DPP6: variants seen among roughly 807,000 people sequenced by gnomAD.
DPP6 encodes A-type potassium channel modulatory protein DPP6.
A neutral mutation model predicts 122.6 loss-of-function variants in DPP6; 69 were observed. The ratio of observed to expected loss-of-function variants is 0.56; its 90% CI spans 0.46 to 0.69. The LOEUF is 0.69. DPP6 is among the 30% of genes least tolerant of loss of function. DPP6 has a pLI of 0.00. For missense variants in DPP6, 928 were observed against 1,116.9 expected (o/e 0.83, Z 2.41); for synonymous variants, 418 against 433.1 (o/e 0.97, Z 0.43).
At chr7:154,281,007 A>ATTTG (rs1349656592) in intron 1 of DPP6, among the ~76,000 whole-genome samples, 1 of 149,534 alleles carries the variant, frequency 6.7e-6, no homozygotes, top group East Asian at 2.0e-4. Context: ...TTATTTATTT[A>ATTTG]TTTATTTATT....
chr7:154,697,755 T>C (rs1315289277), intron 7 of DPP6, among the ~76,000 whole-genome samples: 1 of 152,168 alleles, frequency 6.6e-6, no homozygotes, highest in Non-Finnish European at 1.5e-5. Context: ...TGCCACTTCT[T>C]CTGCAAGGTT....
intron 1 of DPP6, among the ~76,000 whole-genome samples, chr7:154,231,629 C>T (rs1033920976): frequency 6.6e-6 from 1 of 152,190 alleles, no homozygotes; most frequent in African/African-American, 2.4e-5. Context: ...CAGAAGCCAG[C>T]AAAATGCAAA....
chr7:154,480,094 A>G (rs1363991586), intron 3 of DPP6, among the ~76,000 whole-genome samples: 1 of 150,840 alleles, frequency 6.6e-6, no homozygotes, highest in African/African-American at 2.4e-5. Flanking sequence ...CACTCGCTTC[A>G]CTTACCTGAG....
chr7:153,950,274 G>A (rs975541600), intron 1 of DPP6, among the ~76,000 whole-genome samples: 6 of 152,102 alleles, frequency 3.9e-5, no homozygotes, highest in African/African-American at 1.4e-4. Context: ...TAGGAAGGGA[G>A]TCCAGGCAGA....
chr7:154,882,185 G>A (rs922163317), intron 21 of DPP6, among the ~76,000 whole-genome samples: 11 of 152,248 alleles, frequency 7.2e-5, no homozygotes, highest in Middle Eastern at 6.8e-3. Flanking sequence ...TTCTCAACAG[G>A]CAGTTGGTCC....
chr7:154,016,226 G>A (rs1007304162), intron 1 of DPP6, among the ~76,000 whole-genome samples: 2 of 151,978 alleles, frequency 1.3e-5, no homozygotes, highest in African/African-American at 2.4e-5. Context: ...TTCTCAACAC[G>A]TATCACTATC....
the DPP6 span, among the ~76,000 whole-genome samples, chr7:153,855,350 A>G: frequency 1.3e-5 from 2 of 152,126 alleles, no homozygotes; most frequent in African/African-American, 2.4e-5. Flanking sequence ...TCCACTCATT[A>G]ACTTATACAA....
At chr7:154,687,690 T>C (rs1202642754) in intron 7 of DPP6, among the ~76,000 whole-genome samples, 1 of 152,232 alleles carries the variant, frequency 6.6e-6, no homozygotes, top group Non-Finnish European at 1.5e-5. Flanking sequence ...GGAAGATACA[T>C]TGATTTCAAT....
At chr7:153,882,959 T>C (rs886272448), upstream of DPP6, among the ~76,000 whole-genome samples, 32 of 152,168 alleles carry the variant, frequency 2.1e-4, no homozygotes, top group African/African-American at 6.8e-4. Flanking sequence ...ACAGAAACAG[T>C]GCGGTGAGAA....
chr7:154,628,399 A>G (rs543614700), intron 5 of DPP6, among the ~76,000 whole-genome samples: 15 of 152,314 alleles, frequency 9.8e-5, no homozygotes, highest in African/African-American at 2.9e-4. Context: ...GTCTGTGCAG[A>G]ATACTTCCAC....
chr7:154,821,653 T>TATATATACAC lies in DPP6; in HGVS notation c.1666+14548_1666+14549insCACATATATA, dbSNP rs1554477670. Reference sequence around the variant, plus strand: ...GTATATATATATATATATACACATATATATATATATACACATATATATATA... The same window carrying TATATATACAC: ...GTATATATATATATATATACACATATATATATACACATATATATATACACATATATATATA... On this transcript the variant is annotated intron_variant, in intron 16 of 25. Transcript: ENST00000377770. This position sits in a 1 kb window ranked among gnomAD's most constrained non-coding sequence, Gnocchi z 4.2. 2.8e-4 allele frequency among the ~76,000 whole-genome samples: 30 copies of TATATATACAC among 107,080 alleles called. No individual in the cohort carries two copies. The highest frequency in any genetic ancestry group is 4.3e-3 in the Middle Eastern group (1 of 232). The allele number at this position is 107,080 out of a possible 152,430, so 70.2% of individuals were successfully genotyped here. A position where few individuals can be genotyped will look rare whatever the true frequency, so the allele number is the denominator to read the frequency against.
intron 8 of DPP6, among the ~76,000 whole-genome samples, chr7:154,752,151 T>TG (rs1563170753): frequency 6.6e-6 from 1 of 152,068 alleles, no homozygotes; most frequent in African/African-American, 2.4e-5. Flanking sequence ...TCTGCTTGGG[T>TG]GGGGGAGCCG....
chr7:154,235,272 G>A (rs185292376), intron 1 of DPP6, among the ~76,000 whole-genome samples: 1 of 152,152 alleles, frequency 6.6e-6, no homozygotes, highest in South Asian at 2.1e-4. Context: ...GTATCATATC[G>A]TGTGTGTTTT....
chr7:154,325,608 C>G (rs1215982962), intron 1 of DPP6, among the ~76,000 whole-genome samples: 3 of 152,108 alleles, frequency 2.0e-5, no homozygotes, highest in South Asian at 2.1e-4. Context: ...AATAGAGCAA[C>G]CTTTCTTAAT....
intron 1 of DPP6, among the ~76,000 whole-genome samples, chr7:153,920,401 T>C (rs1800574865): frequency 6.6e-6 from 1 of 152,020 alleles, no homozygotes; most frequent in Admixed American, 6.6e-5. Flanking sequence ...CAATCATTAA[T>C]AGAACTGATC....
At chr7:154,192,429 T>C (rs2150768019) in intron 1 of DPP6, among the ~76,000 whole-genome samples, 1 of 152,370 alleles carries the variant, frequency 6.6e-6, no homozygotes, top group African/African-American at 2.4e-5. Context: ...GCCTCTTGGT[T>C]CCAGGTATTG....
chr7:153,976,046 T>G (rs1796283445), intron 1 of DPP6, among the ~76,000 whole-genome samples: 1 of 152,228 alleles, frequency 6.6e-6, no homozygotes, highest in Non-Finnish European at 1.5e-5. Flanking sequence ...CTACTGTTAC[T>G]GTTATTATTA....
At chr7:154,687,062 T>A (rs1839655542) in intron 7 of DPP6, among the ~76,000 whole-genome samples, 1 of 130,212 alleles carries the variant, frequency 7.7e-6, no homozygotes, top group African/African-American at 3.0e-5. Flanking sequence ...CCAGACAGTA[T>A]CTATACTCAT....
intron 1 of DPP6, among the ~76,000 whole-genome samples, chr7:154,378,611 C>T (rs1813322144): frequency 6.6e-6 from 1 of 152,214 alleles, no homozygotes; most frequent in South Asian, 2.1e-4. Context: ...GAAGAGAAAA[C>T]TCTCCTGTCT....
Sources: gnomAD v4.1 joint callset for allele counts (sites outside exome capture counted in the v4.1 genomes callset) on GRCh38, gnomAD v4.1.1 for gene constraint, Gnocchi (gnomAD v3.1) non-coding constraint, MANE v1.5 for transcripts, NCBI Gene and HGNC (gene_info 2026-07-23, HGNC 2026-07-21) for gene names.